DCTN1: variants seen among roughly 807,000 people sequenced by gnomAD.
The protein encoded by DCTN1 is 150 kDa dynein-associated polypeptide.
DCTN1 carries 61 observed loss-of-function variants against 161.2 expected under a neutral mutation model. That is an observed-to-expected ratio of 0.38 (90% CI 0.31 to 0.47). The LOEUF is 0.47. Among genes scored for constraint, DCTN1 ranks in the 20% least tolerant of loss-of-function variants. DCTN1 has a pLI of 0.99. For missense variants in DCTN1, 1,404 were observed against 1,623.7 expected (o/e 0.86, Z 2.33); for synonymous variants, 653 against 632.4 (o/e 1.03, Z -0.49).
rs1674608736 is a variant in DCTN1, at chr2:74,368,738, A to T, written c.1844T>A (p.Leu615His). 6.2e-7 allele frequency: 1 copy of T among 1,614,242 alleles called. No homozygotes were observed. Among genetic ancestry groups the T allele is most frequent in the Admixed American group, 1.7e-5 (1 of 60,032 alleles). The part of the protein sequence containing the change: ...CVLVLLLMPR[L>H]ICKAELIRKQ... The stretch of plus-strand genomic sequence containing the variant: ...ATTGATTGGCCATACCTTGCAAATG[A>T]GACGAGGCATGAGCAACAGCACCAG... Residue 615 changes from leucine (L) to histidine (H), a missense_variant, in exon 16 of 32, where the codon CTC (leucine) becomes CAC (histidine). Around this residue, in one of 9 missense-constraint regions of DCTN1, gnomAD observed 475 missense variants for 489.8 expected, o/e 0.97. Transcript: ENST00000628224.
intron 7 of DCTN1, 98 bp downstream of exon 7, chr2:74,372,830 G>T: frequency 8.0e-7 from 1 of 1,252,858 alleles, no homozygotes; most frequent in Non-Finnish European, 1.2e-6. Context: ...ACACTATGAC[G>T]AACTTTCACT....
At chr2:74,363,736 A>G in intron 26 of DCTN1, 108 bp from the exon 27 acceptor site, 1 of 1,434,466 alleles carries the variant, frequency 7.0e-7, no homozygotes, top group South Asian at 1.2e-5. Context: ...ACCTGCAGGA[A>G]AACCCTTTTC....
chr2:74,370,444 A>G lies in DCTN1; in HGVS notation c.1127+22T>C. ...TTGGAGACACAAGAGTAAGCATCAGAGGCAAGCACTGAAGACCCTACCTCA... is the reference window on the plus strand; with the variant it reads ...TTGGAGACACAAGAGTAAGCATCAGGGGCAAGCACTGAAGACCCTACCTCA... On this transcript the variant is annotated intron_variant, in intron 11 of 31. Coordinates refer to ENST00000628224, the MANE Select transcript of DCTN1 (RefSeq NM_004082.5). The surrounding 1 kb of genome is among the most constrained non-coding windows in gnomAD (Gnocchi z 4.4). The G allele has an allele frequency of 1.2e-6, 2 of 1,614,158 alleles. No homozygotes were observed. Among genetic ancestry groups the G allele is most frequent in the Non-Finnish European group, 1.7e-6 (2 of 1,179,968 alleles).
At chr2:74,372,156 C>T in intron 7 of DCTN1, 1 of 217,416 alleles carries the variant, frequency 4.6e-6, no homozygotes, top group South Asian at 6.8e-5. Flanking sequence ...CAGGTCTATG[C>T]CCTCCACCCC....
At chr2:74,390,507 C>G (rs562741191) in intron 1 of DCTN1, 15 of 335,546 alleles carry the variant, frequency 4.5e-5, no homozygotes, top group Non-Finnish European at 9.7e-5. Context: ...TTCAACACTA[C>G]AGGGATAACT....
Position 74,362,851 on chromosome 2 carries a change from G to C in DCTN1, c.3530-122C>G, listed in dbSNP as rs949813400. 3 of 1,304,644 alleles carry C rather than the reference G, an allele frequency of 2.3e-6. No homozygotes were observed. The African/African-American group carries it at 4.4e-5, about 19-fold the overall frequency. The allele number at this position is 1,304,644 out of a possible 1,614,324, so 80.8% of individuals were successfully genotyped here. On this transcript the variant is annotated intron_variant, in intron 29 of 31. Transcript: ENST00000628224. ...AACAAGTACTTGAGAGAGAGTGGGT[G>C]AATCAAACAAACTGAACAGTGAAGC...
In DCTN1 at chr2:74,377,445, T is replaced by C. The variant is rs757211005; in HGVS notation, c.380A>G (p.Lys127Arg). ...LKREGTDTTA[K>R]TSKLRGLKPK... ...CAAATCACTCACCAGTTTGCTAGTC[T>C]TTGCAGTTGTATCAGTTCCCTCTGT... The change falls in exon 4 of 32, where the codon AAG (lysine) becomes AGG (arginine). Residue 127 changes from lysine (K) to arginine (R), a missense_variant. Physicochemically the swap from Lys to Arg is conservative, Grantham distance 26 (BLOSUM62 2). Around this residue, in one of 9 missense-constraint regions of DCTN1, gnomAD observed 174 missense variants for 175.6 expected, o/e 0.99. Coordinates refer to ENST00000628224, the MANE Select transcript of DCTN1 (RefSeq NM_004082.5). The C allele has an allele frequency of 1.9e-6, 3 of 1,613,628 alleles. No individual in the cohort carries two copies. The South Asian group carries it at 3.3e-5, about 18-fold the overall frequency.
At position 74,387,213 on chromosome 2, in the gene DCTN1, G is replaced by A. The variant is rs150054905; in HGVS notation, c.-19+4581C>T. On this transcript the variant is annotated intron_variant, in intron 1 of 27. Transcript: ENST00000409240. ...TGATCTCCCTGTAGCAACTGAGATT[G>A]TCAATCCTTTTCCTGGAATTTTCTC... 1.2e-3 allele frequency among the ~76,000 whole-genome samples: 183 copies of A among 152,298 alleles called. 2 individuals are homozygous for A. Among genetic ancestry groups the A allele is most frequent in the Middle Eastern group, 6.8e-3 (2 of 294 alleles).
chr2:74,367,833 T>C lies in DCTN1; in HGVS notation c.2047A>G (p.Lys683Glu). 3 of 1,614,122 alleles carry C rather than the reference T, an allele frequency of 1.9e-6. 1 individual carries two copies. The highest frequency in any genetic ancestry group is 2.2e-5 in the South Asian group (2 of 91,084). Residue 683 changes from lysine (K) to glutamate (E), a missense_variant, in exon 18 of 32, where the codon AAG becomes GAG. This residue lies in a region of DCTN1 where 475 missense variants were observed against 489.8 expected (regional missense o/e 0.97). Transcript: ENST00000628224. ...TCAGGGTACAGGCTGCCCACTTTCT[T>C]ATACACATCCACACTGCACTGAGAG... The part of the protein sequence containing the change: ...ALSQCSVDVY[K>E]KVGSLYPEMS...
chr2:74,361,970 G>T, intron 31 of DCTN1, 82 bp downstream of exon 31: 1 of 1,435,378 alleles, frequency 7.0e-7, no homozygotes, highest in Non-Finnish European at 9.8e-7. Flanking sequence ...AGACTCCAAA[G>T]GCCTCCTCCA....
In DCTN1 at chr2:74,376,747, T is replaced by C. The variant is rs780038310; in HGVS notation, c.409A>G (p.Lys137Glu). 1.2e-6 allele frequency: 2 copies of C among 1,605,204 alleles called. No individual in the cohort carries two copies. Among genetic ancestry groups the C allele is most frequent in the Non-Finnish European group, 1.7e-6 (2 of 1,175,990 alleles). ...ACAAATAGTAAACACACCACCTTCT[T>C]AGGCTTCAGTCCCCGCTGCATGAGG... ...KTSKLRGLKP[K>E]KAPTARKTTT... is the part of the protein sequence containing the mutation. The change falls in exon 5 of 32, where the codon AAG becomes GAG. Residue 137 changes from lysine to glutamate, a missense_variant. By Grantham distance (56) the Lys-to-Glu change is moderately conservative. This residue lies in a region of DCTN1 where 174 missense variants were observed against 175.6 expected (regional missense o/e 0.99). Coordinates refer to ENST00000628224, the MANE Select transcript of DCTN1 (RefSeq NM_004082.5).
intron 1 of DCTN1, chr2:74,386,543 G>T (rs1169683213): frequency 6.6e-6 from 1 of 152,126 alleles, no homozygotes; most frequent in Non-Finnish European, 1.5e-5. Context: ...AACACTCTTG[G>T]AGCTTATTTC....
At position 74,380,123 on chromosome 2, in the gene DCTN1, T is replaced by C; in HGVS notation, c.-86A>G. On this transcript the variant is annotated 5_prime_UTR_variant, in exon 1 of 32. Transcript: ENST00000628224. ...AACCTAGGCAGGAGGGTCAGGGCGC[T>C]GGGCCCTCATAGAGGGACACAGGAG... 1.4e-6 allele frequency: 2 copies of C among 1,469,146 alleles called. No individual in the cohort carries two copies. Among genetic ancestry groups the C allele is most frequent in the Non-Finnish European group, 1.9e-6 (2 of 1,054,842 alleles). 91.0% of individuals were successfully genotyped at this position (1,469,146 alleles called of 1,614,324 possible).
chr2:74,361,436 T>C lies in DCTN1; in HGVS notation c.*63A>G. ...ACCTGGGGGCTGGCTGAGGTGGCTG[T>C]GCATCGGGCAGAGCGGCACCAGAGG... On this transcript the variant is annotated 3_prime_UTR_variant, in exon 32 of 32. Coordinates refer to ENST00000628224, the MANE Select transcript of DCTN1 (RefSeq NM_004082.5). 6.2e-7 allele frequency: 1 copy of C among 1,610,972 alleles called. No individual in the cohort carries two copies. Among genetic ancestry groups the C allele is most frequent in the African/African-American group, 1.3e-5 (1 of 74,942 alleles).
chr2:74,377,639 G>A lies in DCTN1; in HGVS notation c.358+9C>T, dbSNP rs1675302625. ...TATGGGGAGGCAACTTTAAGTGGGT[G>A]GTTGTTACCTCTTTTGAGGACTTTT... On this transcript the variant is annotated intron_variant, in intron 3 of 31. Transcript: ENST00000628224. 7.4e-6 allele frequency: 12 copies of A among 1,612,346 alleles called. No homozygotes were observed. The highest frequency in any genetic ancestry group is 1.3e-5 in the African/African-American group (1 of 74,906).
At chr2:74,384,737 C>T (rs540165613), upstream of DCTN1, among the ~76,000 whole-genome samples, 69 of 152,322 alleles carry the variant, frequency 4.5e-4, no homozygotes, top group South Asian at 6.8e-3. Context: ...ACCTTGATCT[C>T]CTCTTGTCTC....
chr2:74,379,984 T>A lies in DCTN1; in HGVS notation c.33+21A>T. The A allele has an allele frequency of 1.9e-6, 3 of 1,613,810 alleles. No individual in the cohort carries two copies. In the South Asian group the frequency reaches 3.3e-5, roughly 18 times the overall value. ...CTTCCCCAGCAGCCCTCCAGGGCCA[T>A]CCCAGATTAGGGCCACTTACCCGGC... On this transcript the variant is annotated intron_variant, in intron 1 of 31. Transcript: ENST00000628224.
intron 1 of DCTN1, among the ~76,000 whole-genome samples, chr2:74,388,864 C>A (rs780661925): frequency 5.3e-5 from 8 of 152,086 alleles, no homozygotes; most frequent in Admixed American, 2.0e-4. Context: ...TCTTGAAGAC[C>A]ACCACCACTG....
chr2:74,377,962 T>C (rs766397386), intron 2 of DCTN1, 38 bp downstream of exon 2: 4 of 1,612,602 alleles, frequency 2.5e-6, no homozygotes, highest in Non-Finnish European at 3.4e-6. Context: ...GACAGACATG[T>C]GCACACATGC....
Sources: allele counts gnomAD v4.1 joint callset (sites outside exome capture counted in the v4.1 genomes callset), GRCh38; gene constraint gnomAD v4.1.1; regional missense constraint gnomAD v4.1.1; non-coding constraint Gnocchi (gnomAD v3.1); transcripts MANE v1.5; gene names NCBI Gene and HGNC (gene_info 2026-07-23, HGNC 2026-07-21).